The following CCDC152 variants were observed in gnomAD, a reference collection of about 807,000 sequenced individuals.
The protein encoded by CCDC152 is coiled-coil domain containing 152, also known as coiled-coil domain-containing protein 152.
Under a neutral mutation model 38.1 loss-of-function variants are expected in CCDC152, and 37 were observed. The ratio of observed to expected loss-of-function variants is 0.97; its 90% CI spans 0.75 to 1.28. The LOEUF is 1.28. Ranked by LOEUF, CCDC152 falls within the 50% of genes most tolerant of loss-of-function variation. The pLI is 0.00. For synonymous variants in CCDC152, 83 were observed against 87.1 expected (o/e 0.95, Z 0.26); for missense variants, 259 against 292.1 (o/e 0.89, Z 0.83).
At chr5:42,770,322 C>A (rs1187203576) in intron 4 of CCDC152, among the ~76,000 whole-genome samples, 1 of 152,104 alleles carries the variant, frequency 6.6e-6, no homozygotes, top group Non-Finnish European at 1.5e-5. Context: ...AAAACAAGCA[C>A]CTTATATATG....
chr5:42,799,760 C>T lies in CCDC152; in HGVS notation c.744C>T (p.His248=). Residue 248 remains histidine (H), a synonymous_variant, in exon 9 of 9, where the codon CAC becomes CAT. Coordinates refer to ENST00000361970, the MANE Select transcript of CCDC152 (RefSeq NM_001134848.2). ...GCCTTTCTGTTGGCAAAGATTCTCACCTTAAGCGTAGACGGTTTTGAGCTT... is the reference window on the plus strand; with the variant it reads ...GCCTTTCTGTTGGCAAAGATTCTCATCTTAAGCGTAGACGGTTTTGAGCTT... The part of the protein sequence containing the change: ...EQRLSVGKDS[H]LKRRRF The T allele has an allele frequency of 3.2e-6, 5 of 1,551,156 alleles. No homozygotes were observed. The highest frequency in any genetic ancestry group is 3.5e-6 in the Non-Finnish European group (4 of 1,146,792).
intron 4 of CCDC152, among the ~76,000 whole-genome samples, chr5:42,771,193 A>T (rs2111952078): frequency 6.6e-6 from 1 of 152,340 alleles, no homozygotes; most frequent in Admixed American, 6.5e-5. Context: ...TCAAAGAATA[A>T]ACCAAAGGAA....
chr5:42,759,946 G>T (rs1759527945), intron 2 of CCDC152, among the ~76,000 whole-genome samples: 1 of 152,082 alleles, frequency 6.6e-6, no homozygotes, highest in Non-Finnish European at 1.5e-5. Context: ...TGTGGTTTCA[G>T]GCATCCACTG....
At position 42,799,543 on chromosome 5, in the gene CCDC152, A is replaced by C. The variant is rs1235683680; in HGVS notation, c.642+85A>C. 7.7e-6 allele frequency: 9 copies of C among 1,162,044 alleles called. No individual in the cohort carries two copies. In the East Asian group the frequency reaches 2.3e-4, roughly 30 times the overall value. 72.0% of individuals were successfully genotyped at this position (1,162,044 alleles called of 1,614,324 possible). A position where few individuals can be genotyped will look rare whatever the true frequency, so the allele number is the denominator to read the frequency against. On this transcript the variant is annotated intron_variant, in intron 8 of 8. Transcript: ENST00000361970. ...TAAAAATCATCTAATTCTTATTAAC[A>C]ATATAAGGTATTTTTTAAAATACCA...
rs1760080965 is a variant in CCDC152, at chr5:42,796,762, G to A, written c.431-67G>A. The A allele has an allele frequency of 8.4e-6, 9 of 1,071,448 alleles. No homozygotes were observed. The South Asian group carries it at 1.7e-4, about 21-fold the overall frequency. 66.4% of individuals were successfully genotyped at this position (1,071,448 alleles called of 1,614,324 possible). A position where few individuals can be genotyped will look rare whatever the true frequency, so the allele number is the denominator to read the frequency against. On this transcript the variant is annotated intron_variant, in intron 6 of 8. Transcript: ENST00000361970. Reference sequence around the variant, plus strand: ...TTTAGGAATGATTTAAAACACTAAAGAAATACAAACTTATAATAATTTTGA... The same window carrying A: ...TTTAGGAATGATTTAAAACACTAAAAAAATACAAACTTATAATAATTTTGA...
intron 4 of CCDC152, among the ~76,000 whole-genome samples, chr5:42,772,649 C>CAAAAA (rs71608661): frequency 2.0e-4 from 26 of 128,380 alleles, no homozygotes; most frequent in East Asian, 6.8e-4. Flanking sequence ...GACTCCGTCT[C>CAAAAA]AAAAAAAAAA....
intron 4 of CCDC152, among the ~76,000 whole-genome samples, chr5:42,770,900 T>A (rs1261762361): frequency 6.6e-6 from 1 of 152,164 alleles, no homozygotes; most frequent in Non-Finnish European, 1.5e-5. Flanking sequence ...ATGTATAGGA[T>A]TGTTTCTTAA....
intron 6 of CCDC152, among the ~76,000 whole-genome samples, chr5:42,790,863 A>T (rs957086232): frequency 6.6e-6 from 1 of 152,200 alleles, no homozygotes; most frequent in Non-Finnish European, 1.5e-5. Flanking sequence ...AAACATGGTC[A>T]TGAAAACAGG....
In CCDC152 at chr5:42,800,054, C is replaced by T; in HGVS notation, c.*273C>T. The T allele has an allele frequency of 3.1e-6, 1 of 319,698 alleles. No individual in the cohort carries two copies. The highest frequency in any genetic ancestry group is 5.7e-6 in the Non-Finnish European group (1 of 176,238). 19.8% of individuals were successfully genotyped at this position (319,698 alleles called of 1,614,324 possible). A position where few individuals can be genotyped will look rare whatever the true frequency, so the allele number is the denominator to read the frequency against. ...ACTTACTAAGCAATATAGAGACAGA[C>T]AATATTATCTTTCCCCTTATATCTT... On this transcript the variant is annotated 3_prime_UTR_variant, in exon 9 of 9. Coordinates refer to ENST00000361970, the MANE Select transcript of CCDC152 (RefSeq NM_001134848.2).
chr5:42,772,032 T>C (rs2973005), intron 4 of CCDC152, among the ~76,000 whole-genome samples: 1 of 152,084 alleles, frequency 6.6e-6, no homozygotes. Context: ...TCAAATAAAA[T>C]TCAACAGCCC....
chr5:42,786,705 G>T (rs1759925455), intron 6 of CCDC152, among the ~76,000 whole-genome samples: 1 of 151,820 alleles, frequency 6.6e-6, no homozygotes, highest in African/African-American at 2.4e-5. Flanking sequence ...AGTTTGGTTT[G>T]TTCTTGTTTT....
Position 42,759,197 on chromosome 5 carries a change from C to T in CCDC152, c.76C>T (p.Gln26Ter). ...NLDKLINDFS[Q>*]IEKKMVETNG... ...TGACAAACTTATAAATGACTTCTCA[C>T]AGATAGAAAAGGTATGTAAAGATAG... Residue 26 changes from glutamine (Q) to a stop codon, truncating the protein, a stop_gained, in exon 2 of 9, where the codon CAG becomes TAG. Transcript: ENST00000361970. LOFTEE classifies it high-confidence loss of function. The T allele has an allele frequency of 6.5e-7, 1 of 1,544,032 alleles. No individual in the cohort carries two copies. Among genetic ancestry groups the T allele is most frequent in the Non-Finnish European group, 8.8e-7 (1 of 1,140,700 alleles).
intron 3 of CCDC152, among the ~76,000 whole-genome samples, chr5:42,767,668 C>T (rs1041880532): frequency 6.6e-6 from 1 of 152,208 alleles, no homozygotes; most frequent in African/African-American, 2.4e-5. Context: ...TATCTATGCT[C>T]CATTGTAGAA....
chr5:42,763,591 T>C (rs1579705363), intron 3 of CCDC152, among the ~76,000 whole-genome samples: 1 of 152,206 alleles, frequency 6.6e-6, no homozygotes, highest in Non-Finnish European at 1.5e-5. Flanking sequence ...TGATAGTATA[T>C]ACTCTCGATA....
At chr5:42,798,314 AGAATTCACAAGTC>A (rs919406450) in intron 7 of CCDC152, among the ~76,000 whole-genome samples, 3 of 152,130 alleles carry the variant, frequency 2.0e-5, no homozygotes, top group Admixed American at 6.5e-5. Flanking sequence ...TTACCTTGTA[AGAATTCACAAGTC>A]TTAATTAAAA....
rs375509068 is a variant in CCDC152 at position 42,799,716 on chromosome 5, A to G, written c.700A>G (p.Ile234Val). The change falls in exon 9 of 9, where the codon ATT becomes GTT. Residue 234 changes from isoleucine (I) to valine (V), a missense_variant. Coordinates refer to ENST00000361970, the MANE Select transcript of CCDC152 (RefSeq NM_001134848.2). ...NKEIAILRNT[I>V]RDLEQRLSVG... ...GGAGATTGCAATTCTTCGTAATACC[A>G]TTCGCGATTTAGAGCAACGCCTTTC... 20 of 1,550,900 alleles carry G rather than the reference A, an allele frequency of 1.3e-5. No individual in the cohort carries two copies. The highest frequency in any genetic ancestry group is 1.7e-4 in the Middle Eastern group (1 of 6,008).
intron 1 of CCDC152, 25 bp from the exon 2 acceptor site, chr5:42,759,095 A>G (rs1759516885): frequency 7.0e-7 from 1 of 1,420,270 alleles, no homozygotes; most frequent in South Asian, 1.3e-5. Flanking sequence ...TTTATTTAAC[A>G]CTATCTACTG....
At chr5:42,778,778 C>T (rs1393123174) in intron 4 of CCDC152, among the ~76,000 whole-genome samples, 36 of 152,118 alleles carry the variant, frequency 2.4e-4, no homozygotes, top group Admixed American at 2.4e-3. Context: ...GGTCAAAACC[C>T]TCTCATTCAT....
In CCDC152 at chr5:42,776,500, C is replaced by G. The variant is rs1261367882; in HGVS notation, c.263-2958C>G. 3.9e-5 allele frequency among the ~76,000 whole-genome samples: 6 copies of G among 152,074 alleles called. No individual in the cohort carries two copies. The East Asian group carries it at 1.2e-3, about 29-fold the overall frequency. On this transcript the variant is annotated intron_variant, in intron 4 of 8. Coordinates refer to ENST00000361970, the MANE Select transcript of CCDC152 (RefSeq NM_001134848.2). ...AGTCCACTATTGTAGTTGAAGATTT[C>G]AACATTCTTCTATCAGAAAATCAGT...
Sources: gnomAD v4.1 joint callset for allele counts (sites outside exome capture counted in the v4.1 genomes callset) on GRCh38, gnomAD v4.1.1 for gene constraint, MANE v1.5 for transcripts, NCBI Gene and HGNC (gene_info 2026-07-23, HGNC 2026-07-21) for gene names.